The following FBXW8 variants were observed in gnomAD, a reference collection of about 807,000 sequenced individuals.
The protein encoded by FBXW8 is F-box/WD repeat-containing protein 8.
Under a neutral mutation model 65.3 loss-of-function variants are expected in FBXW8, and 57 were observed. The observed-to-expected ratio is 0.87, with a 90% CI of 0.71 to 1.09. The LOEUF (loss-of-function observed/expected upper bound fraction) is 1.09. FBXW8 is among the 50% of genes least tolerant of loss of function. The pLI is 0.00. For missense variants in FBXW8, 777 were observed against 814.8 expected, an observed-to-expected ratio of 0.95 and a Z score of 0.57; for synonymous variants, 308 against 330.2, an observed-to-expected ratio of 0.93 and a Z score of 0.73.
At chr12:116,912,081 C>G (rs1337257211) in intron 1 of FBXW8, among the ~76,000 whole-genome samples, 1 of 151,782 alleles carries the variant, frequency 6.6e-6, no homozygotes, top group Non-Finnish European at 1.5e-5. Flanking sequence ...GTTAAGAGGA[C>G]AAGGCTCCAG....
intron 8 of FBXW8, among the ~76,000 whole-genome samples, chr12:117,019,755 A>G (rs917127773): frequency 3.9e-5 from 6 of 152,208 alleles, no homozygotes; most frequent in African/African-American, 1.4e-4. Context: ...CCTCCCGGTC[A>G]TGAATGAATT....
intron 5 of FBXW8, among the ~76,000 whole-genome samples, chr12:116,981,115 A>T (rs1885276832): frequency 6.6e-6 from 1 of 152,242 alleles, no homozygotes; most frequent in Non-Finnish European, 1.5e-5. Flanking sequence ...AATCAGCCAC[A>T]CTATTATAGA....
At chr12:116,917,825 T>C (rs1163210566) in intron 1 of FBXW8, among the ~76,000 whole-genome samples, 4 of 152,064 alleles carry the variant, frequency 2.6e-5, no homozygotes, top group African/African-American at 9.7e-5. Context: ...ACCCTGTCTC[T>C]ACTAAAAAAT....
Position 116,988,784 on chromosome 12 carries a change from G to A in FBXW8, c.1154G>A (p.Gly385Asp), listed in dbSNP as rs140698430. The A allele has an allele frequency of 1.2e-5, 19 of 1,614,028 alleles. No individual in the cohort carries two copies. The African/African-American group carries it at 2.5e-4, about 22-fold the overall frequency. ...GCCAGAACCCTCCTTTACGCCCACG[G>A]CCCGCCTGTCACATGTCTAGACGTC... ...DSARTLLYAHGPPVTCLDVSA... is the reference protein window; with the variant it reads ...DSARTLLYAHDPPVTCLDVSA... The change falls in exon 7 of 11, where the codon GGC becomes GAC. Residue 385 changes from glycine (G) to aspartate (D), a missense_variant. Transcript: ENST00000652555.
In FBXW8 at chr12:116,957,298, G is replaced by C. The variant is rs183376918; in HGVS notation, c.678-7399G>C. The stretch of plus-strand genomic sequence containing the variant: ...GGAGGTAGAGGTTGCAGTGAGCCAG[G>C]ATCATGCCACTGCACTCCAGCTTGG... On this transcript the variant is annotated intron_variant, in intron 4 of 10. Coordinates refer to ENST00000652555, the MANE Select transcript of FBXW8 (RefSeq NM_153348.3). 4.2e-3 allele frequency among the ~76,000 whole-genome samples: 638 copies of C among 152,284 alleles called. 7 individuals carry two copies. The highest frequency in any genetic ancestry group is 5.1e-3 in the Non-Finnish European group (346 of 68,026).
chr12:117,010,279 G>C (rs1324955218), intron 7 of FBXW8, 44 bp from the exon 8 acceptor site: 2 of 1,613,516 alleles, frequency 1.2e-6, no homozygotes, highest in Non-Finnish European at 1.7e-6. Flanking sequence ...ATGTCGGCCT[G>C]GTGTGTGGAA....
At chr12:116,985,742 A>G (rs1327427561) in intron 6 of FBXW8, 1 of 203,238 alleles carries the variant, frequency 4.9e-6, no homozygotes, top group African/African-American at 2.3e-5. Flanking sequence ...ACCCTTGGGA[A>G]TCAAAGATCA....
At chr12:116,912,688 C>A (rs1454610909) in intron 1 of FBXW8, among the ~76,000 whole-genome samples, 1 of 152,080 alleles carries the variant, frequency 6.6e-6, no homozygotes, top group Non-Finnish European at 1.5e-5. Context: ...TGGTCTCGAT[C>A]TCCTGACCTC....
At chr12:116,980,694 T>C (rs1885246452) in intron 5 of FBXW8, among the ~76,000 whole-genome samples, 1 of 152,224 alleles carries the variant, frequency 6.6e-6, no homozygotes. Context: ...TCTTCCTTAG[T>C]AGTTATGCAA....
At chr12:116,997,459 G>A (rs1403522399) in intron 7 of FBXW8, among the ~76,000 whole-genome samples, 1 of 152,242 alleles carries the variant, frequency 6.6e-6, no homozygotes, top group East Asian at 1.9e-4. Context: ...CCTTAGGCAA[G>A]TCACTTGCTT....
rs565535935 is a variant in FBXW8 at position 116,977,018 on chromosome 12, C to A, written c.836-8188C>A. On this transcript the variant is annotated intron_variant, in intron 5 of 10. Coordinates refer to ENST00000652555, the MANE Select transcript of FBXW8 (RefSeq NM_153348.3). Reference sequence around the variant, plus strand: ...AGGGGAGGGAGACCCGAGAGCCCCACCCCAGACATCGGGGCCTTGTGGCAA... The same window carrying A: ...AGGGGAGGGAGACCCGAGAGCCCCAACCCAGACATCGGGGCCTTGTGGCAA... Among the ~76,000 whole-genome samples the A allele has an allele frequency of 3.0e-4, 46 of 152,268 alleles. 1 individual carries two copies. In the East Asian group the frequency reaches 7.9e-3, roughly 26 times the overall value.
At chr12:117,024,932 T>C (rs1954189620) in intron 9 of FBXW8, among the ~76,000 whole-genome samples, 1 of 152,168 alleles carries the variant, frequency 6.6e-6, no homozygotes, top group Non-Finnish European at 1.5e-5. Context: ...ATAAATACTA[T>C]CCTAAGCACA....
At chr12:116,993,478 C>G (rs1408515482) in intron 7 of FBXW8, among the ~76,000 whole-genome samples, 2 of 152,076 alleles carry the variant, frequency 1.3e-5, no homozygotes, top group African/African-American at 4.8e-5. Flanking sequence ...TTGCATTTCC[C>G]TGATGATTAG....
At chr12:116,943,052 T>G (rs1882712054) in intron 2 of FBXW8, among the ~76,000 whole-genome samples, 1 of 152,156 alleles carries the variant, frequency 6.6e-6, no homozygotes, top group Non-Finnish European at 1.5e-5. Context: ...TTTTAACAGA[T>G]AATTTCTATC....
intron 4 of FBXW8, among the ~76,000 whole-genome samples, chr12:116,956,794 C>A (rs552223811): frequency 6.6e-6 from 1 of 151,694 alleles, no homozygotes; most frequent in Non-Finnish European, 1.5e-5. Flanking sequence ...ATGGTGAAAC[C>A]CTGTCTCTAC....
intron 1 of FBXW8, among the ~76,000 whole-genome samples, chr12:116,927,180 A>G (rs1197033733): frequency 6.6e-6 from 1 of 152,150 alleles, no homozygotes; most frequent in Non-Finnish European, 1.5e-5. Context: ...GTACATACAT[A>G]CATACACTTG....
At chr12:117,002,077 A>G (rs1361887501) in intron 7 of FBXW8, among the ~76,000 whole-genome samples, 1 of 152,140 alleles carries the variant, frequency 6.6e-6, no homozygotes, top group East Asian at 1.9e-4. Flanking sequence ...TTAGGTCACA[A>G]TAGGTGTTGG....
chr12:116,996,589 A>T (rs1335762706), intron 7 of FBXW8, among the ~76,000 whole-genome samples: 2 of 152,128 alleles, frequency 1.3e-5, no homozygotes, highest in Admixed American at 6.5e-5. Context: ...CCATTTAAAA[A>T]TTTTAAATGA....
At chr12:116,911,382 C>A in intron 1 of FBXW8, 27 bp downstream of exon 1, 1 of 1,250,402 alleles carries the variant, frequency 8.0e-7, no homozygotes. Context: ...TCCCCCCCGC[C>A]CATGCCTGCG....
Sources: gnomAD v4.1 joint callset for allele counts (sites outside exome capture counted in the v4.1 genomes callset) on GRCh38, gnomAD v4.1.1 for gene constraint, MANE v1.5 for transcripts, NCBI Gene and HGNC (gene_info 2026-07-23, HGNC 2026-07-21) for gene names.